Variants in GRM5 observed in about 807,000 individuals in gnomAD.
The protein encoded by GRM5 is metabotropic glutamate receptor 5.
A neutral mutation model predicts 83.1 loss-of-function variants in GRM5; 19 were observed. That is an observed-to-expected ratio of 0.23 (90% CI 0.16 to 0.34). The LOEUF (loss-of-function observed/expected upper bound fraction) is 0.34, where lower values mean the gene tolerates loss of function less well. GRM5 is among the 10% of genes least tolerant of loss of function. The pLI, the probability that GRM5 is intolerant of heterozygous loss-of-function variation, is 1.00. For synonymous variants in GRM5, 675 were observed against 633.6 expected (o/e 1.07, Z -0.98); for missense variants, 1,160 against 1,588.3 (o/e 0.73, Z 4.58).
intron 8 of GRM5, among the ~76,000 whole-genome samples, chr11:88,530,803 T>A (rs1281327002): frequency 1.3e-5 from 2 of 152,056 alleles, no homozygotes; most frequent in African/African-American, 4.8e-5. Flanking sequence ...AGATGGAGAA[T>A]TGTGCCTGAA....
At chr11:88,982,597 A>G (rs1402551899) in intron 2 of GRM5, among the ~76,000 whole-genome samples, 1 of 152,168 alleles carries the variant, frequency 6.6e-6, no homozygotes, top group Non-Finnish European at 1.5e-5. Context: ...ACATATATAC[A>G]TGCACCTGTA....
intron 3 of GRM5, among the ~76,000 whole-genome samples, chr11:88,732,360 T>C (rs1287218663): frequency 2.0e-5 from 3 of 152,038 alleles, no homozygotes; most frequent in Non-Finnish European, 2.9e-5. Flanking sequence ...TTAATAAATG[T>C]CATAAATATA....
chr11:88,902,950 C>CAAAAAAAAAAAAAAAAAAA (rs201996144), intron 2 of GRM5, among the ~76,000 whole-genome samples: 1 of 61,922 alleles, frequency 1.6e-5, no homozygotes, highest in Non-Finnish European at 2.6e-5. Context: ...GACTCCATCT[C>CAAAAAAAAAAAAAAAAAAA]AAAAAAAAAA....
chr11:88,639,275 G>C (rs922379299), intron 4 of GRM5, among the ~76,000 whole-genome samples: 1 of 152,086 alleles, frequency 6.6e-6, no homozygotes, highest in Middle Eastern at 3.2e-3. Flanking sequence ...CACATCTCCA[G>C]CATTCTCTCT....
At chr11:88,628,317 C>G (rs1938862506) in intron 4 of GRM5, among the ~76,000 whole-genome samples, 1 of 152,200 alleles carries the variant, frequency 6.6e-6, no homozygotes, top group African/African-American at 2.4e-5. Flanking sequence ...TCTTGGCCTC[C>G]TCTCTTGTAA....
At chr11:88,642,705 CA>C (rs1282184492) in intron 4 of GRM5, among the ~76,000 whole-genome samples, 2 of 152,116 alleles carry the variant, frequency 1.3e-5, no homozygotes, top group Admixed American at 6.6e-5. Flanking sequence ...CTCTTTAGTT[CA>C]AACTTGCACA....
intron 3 of GRM5, among the ~76,000 whole-genome samples, chr11:88,740,569 C>G (rs751524175): frequency 2.6e-5 from 4 of 152,036 alleles, no homozygotes; most frequent in Non-Finnish European, 4.4e-5. Context: ...AGTTGAGACA[C>G]AGGAGAATTA....
intron 3 of GRM5, among the ~76,000 whole-genome samples, chr11:88,807,473 T>A (rs1432372478): frequency 6.6e-6 from 1 of 152,066 alleles, no homozygotes. Flanking sequence ...AAAGAGAAAC[T>A]GGTTAGGAGA....
At chr11:88,639,711 C>CCT (rs2135284220) in intron 4 of GRM5, among the ~76,000 whole-genome samples, 1 of 152,136 alleles carries the variant, frequency 6.6e-6, no homozygotes, top group East Asian at 1.9e-4. Context: ...CCTCAGCCTC[C>CCT]CGAGTAGCTG....
At chr11:88,918,123 G>A (rs1183031855) in intron 2 of GRM5, among the ~76,000 whole-genome samples, 3 of 151,862 alleles carry the variant, frequency 2.0e-5, no homozygotes, top group Non-Finnish European at 4.4e-5. Flanking sequence ...CAATACATCT[G>A]GCAGCAGACT....
At chr11:88,704,745 G>A (rs186268489) in intron 3 of GRM5, among the ~76,000 whole-genome samples, 66 of 152,156 alleles carry the variant, frequency 4.3e-4, no homozygotes, top group African/African-American at 1.5e-3. Flanking sequence ...ATTAGGCACA[G>A]CCCTTTGCTT....
Position 88,994,351 on chromosome 11 carries a change from T to C in GRM5, c.661+52861A>G, listed in dbSNP as rs1344184838. Among the ~76,000 whole-genome samples, 6 of 151,392 alleles carry C rather than the reference T, an allele frequency of 4.0e-5. No individual in the cohort carries two copies. The East Asian group carries it at 1.2e-3, about 29-fold the overall frequency. ...AATGCAATCCCTATCAAAATTCCAA[T>C]AGCATTTTTCACAAAAAGAGAGAAA... On this transcript the variant is annotated intron_variant, in intron 2 of 9. Coordinates refer to ENST00000305447, the MANE Select transcript of GRM5 (RefSeq NM_001143831.3).
At chr11:89,041,710 A>C (rs1376104196) in intron 2 of GRM5, among the ~76,000 whole-genome samples, 1 of 152,204 alleles carries the variant, frequency 6.6e-6, no homozygotes, top group East Asian at 1.9e-4. Context: ...AGTTTCTGAC[A>C]GTGATATATG....
At position 88,827,240 on chromosome 11, in the gene GRM5, C is replaced by T. The variant is rs547695734; in HGVS notation, c.911+22666G>A. On this transcript the variant is annotated intron_variant, in intron 3 of 9. Coordinates refer to ENST00000305447, the MANE Select transcript of GRM5 (RefSeq NM_001143831.3). ...GTGCCATTCACCTCTCCTGTAATTG[C>T]ATCACCCTCACCTACTGACCTCATC... Among the ~76,000 whole-genome samples, 9 of 152,250 alleles carry T rather than the reference C, an allele frequency of 5.9e-5. 1 individual carries two copies. The South Asian group carries it at 1.9e-3, about 32-fold the overall frequency.
intron 3 of GRM5, among the ~76,000 whole-genome samples, chr11:88,690,849 G>T (rs73531913): frequency 3.9e-4 from 60 of 152,320 alleles, no homozygotes; most frequent in African/African-American, 1.4e-3. Context: ...TATAATTGTG[G>T]AATCCACATT....
chr11:88,893,630 C>G (rs1313648382), intron 2 of GRM5, among the ~76,000 whole-genome samples: 1 of 152,024 alleles, frequency 6.6e-6, no homozygotes, highest in Non-Finnish European at 1.5e-5. Context: ...TCAGCAGCAC[C>G]TGGTGGAGGA....
intron 3 of GRM5, among the ~76,000 whole-genome samples, chr11:88,814,322 A>G (rs1271953887): frequency 6.6e-6 from 1 of 152,212 alleles, no homozygotes; most frequent in Non-Finnish European, 1.5e-5. Flanking sequence ...GGACTAGAGA[A>G]GAGGACTCTG....
intron 4 of GRM5, among the ~76,000 whole-genome samples, chr11:88,643,545 A>G (rs1407368456): frequency 1.3e-5 from 2 of 152,208 alleles, no homozygotes; most frequent in East Asian, 3.9e-4. Context: ...AGATTAGGGA[A>G]TAATCCCCAA....
At chr11:89,064,015 G>A (rs1942051600) in intron 1 of GRM5, among the ~76,000 whole-genome samples, 1 of 152,202 alleles carries the variant, frequency 6.6e-6, no homozygotes, top group South Asian at 2.1e-4. Flanking sequence ...ACAGGTGGAA[G>A]GAGTGTCAAG....
Sources: gnomAD v4.1 joint callset for allele counts (sites outside exome capture counted in the v4.1 genomes callset) on GRCh38, gnomAD v4.1.1 for gene constraint, MANE v1.5 for transcripts, NCBI Gene and HGNC (gene_info 2026-07-23, HGNC 2026-07-21) for gene names.